Variants in CEACAM5 observed in about 807,000 individuals in gnomAD.
CEACAM5 encodes the protein cell adhesion molecule CEACAM5.
In CEACAM5, 52 loss-of-function variants were observed where a neutral mutation model predicts 63.0. The observed-to-expected ratio is 0.83, with a 90% CI of 0.66 to 1.04. The LOEUF (loss-of-function observed/expected upper bound fraction) is 1.04. Among genes scored for constraint, CEACAM5 ranks in the 50% least tolerant of loss-of-function variants. CEACAM5 has a pLI of 0.00. For missense variants in CEACAM5, 790 were observed against 864.8 expected, an observed-to-expected ratio of 0.91 and a Z score of 1.08; for synonymous variants, 357 against 351.3, an observed-to-expected ratio of 1.02 and a Z score of -0.18.
chr19:41,721,023 T>G lies in CEACAM5; in HGVS notation c.1873T>G (p.Tyr625Asp). The G allele has an allele frequency of 6.2e-7, 1 of 1,614,210 alleles. No homozygotes were observed. The highest frequency in any genetic ancestry group is 8.5e-7 in the Non-Finnish European group (1 of 1,180,044). ...CTCGGCCTCTAACCCATCCCCGCAG[T>G]ATTCTTGGCGTATCAATGGGATACC... ...CHSASNPSPQ[Y>D]SWRINGIPQQ... Residue 625 changes from tyrosine (Y) to aspartate (D), a missense_variant, in exon 8 of 10, where the codon TAT becomes GAT. Transcript: ENST00000221992.
intron 2 of CEACAM5, among the ~76,000 whole-genome samples, chr19:41,712,380 C>T (rs2072450184): frequency 6.6e-6 from 1 of 152,214 alleles, no homozygotes; most frequent in African/African-American, 2.4e-5. Flanking sequence ...TAGACTCTAC[C>T]CAGTTACAAA....
At chr19:41,713,103 A>G (rs1417749708) in intron 2 of CEACAM5, among the ~76,000 whole-genome samples, 2 of 152,134 alleles carry the variant, frequency 1.3e-5, no homozygotes, top group Admixed American at 6.6e-5. Flanking sequence ...TCAAGAGATC[A>G]AGACCATCCT....
intron 9 of CEACAM5, among the ~76,000 whole-genome samples, chr19:41,728,238 A>C (rs781841093): frequency 2.6e-5 from 4 of 152,258 alleles, no homozygotes; most frequent in African/African-American, 7.2e-5. Flanking sequence ...AATAGAAAGG[A>C]GTGAACATCA....
intron 8 of CEACAM5, among the ~76,000 whole-genome samples, chr19:41,724,404 A>G (rs1303452468): frequency 2.0e-5 from 3 of 152,214 alleles, no homozygotes; most frequent in Non-Finnish European, 4.4e-5. Flanking sequence ...AGGAAGTGTG[A>G]GTCCTCCAGC....
chr19:41,725,766 C>A (rs782260955), intron 8 of CEACAM5, among the ~76,000 whole-genome samples: 9 of 152,170 alleles, frequency 5.9e-5, no homozygotes, highest in African/African-American at 1.7e-4. Flanking sequence ...TTTTGAAGAA[C>A]CAACTTTTGG....
Position 41,717,688 on chromosome 19 carries a change from G to A in CEACAM5, c.1192G>A (p.Glu398Lys), listed in dbSNP as rs7249230. 0.17 allele frequency: 276,154 copies of A among 1,614,032 alleles called. 25,301 individuals are homozygous for A. Among genetic ancestry groups the A allele is most frequent in the Non-Finnish European group, 0.19 (222,262 of 1,179,980 alleles). Residue 398 changes from glutamate to lysine, a missense_variant, in exon 5 of 10, where the codon GAA (glutamate) becomes AAA (lysine). Coordinates refer to ENST00000221992, the MANE Select transcript of CEACAM5 (RefSeq NM_004363.6). Reference protein sequence around the residue: ...VGPYECGIQNELSVDHSDPVI... With the variant: ...VGPYECGIQNKLSVDHSDPVI... ...ACCCTATGAGTGTGGAATCCAGAAC[G>A]AATTAAGTGTTGACCACAGCGACCC... is the stretch of plus-strand genomic sequence containing the variant.
At chr19:41,719,695 G>A (rs555125555) in intron 6 of CEACAM5, among the ~76,000 whole-genome samples, 18 of 152,300 alleles carry the variant, frequency 1.2e-4, no homozygotes, top group South Asian at 2.1e-4. Context: ...ACAACCCAAC[G>A]CTGCTGCCCA....
chr19:41,709,553 C>A, intron 1 of CEACAM5, 127 bp from the exon 2 acceptor site: 1 of 1,436,460 alleles, frequency 7.0e-7, no homozygotes, highest in Non-Finnish European at 9.4e-7. Flanking sequence ...CACACACACA[C>A]ACACACACAC....
chr19:41,709,441 G>A (rs544559768), intron 1 of CEACAM5, among the ~76,000 whole-genome samples: 24 of 152,162 alleles, frequency 1.6e-4, no homozygotes, highest in African/African-American at 4.6e-4. Flanking sequence ...GGAGGGAGCC[G>A]TGAAGACCCC....
chr19:41,729,477 C>T lies in CEACAM5; in HGVS notation c.*330C>T, dbSNP rs1202428425. On this transcript the variant is annotated 3_prime_UTR_variant, in exon 10 of 10. Coordinates refer to ENST00000221992, the MANE Select transcript of CEACAM5 (RefSeq NM_004363.6). ...TCCAGTCTGGCAACAGAGCAAGACTCCATCTCAAAAAGAAAAGAAAAGAAG... is the reference window on the plus strand; with the variant it reads ...TCCAGTCTGGCAACAGAGCAAGACTTCATCTCAAAAAGAAAAGAAAAGAAG... 6.6e-6 allele frequency: 1 copy of T among 150,764 alleles called. No homozygotes were observed. Among genetic ancestry groups the T allele is most frequent in the African/African-American group, 2.5e-5 (1 of 40,110 alleles). The allele number at this position is 150,764 out of a possible 1,614,324, so 9.3% of individuals were successfully genotyped here. A position where few individuals can be genotyped will look rare whatever the true frequency, so the allele number is the denominator to read the frequency against.
rs782651082 is a variant in CEACAM5 at position 41,715,873 on chromosome 19, T to C, written c.927T>C (p.Asn309=). The C allele has an allele frequency of 6.8e-6, 11 of 1,614,026 alleles. No individual in the cohort carries two copies. Among genetic ancestry groups the C allele is most frequent in the East Asian group, 6.7e-5 (3 of 44,900 alleles). The change falls in exon 4 of 10, where the codon AAT becomes AAC. Residue 309 remains asparagine, a synonymous_variant. Transcript: ENST00000221992. The part of the protein sequence containing the change: ...CQAHNSDTGL[N]RTTVTTITVY... ...CCCATAACTCAGACACTGGCCTCAA[T>C]AGGACCACAGTCACGACGATCACAG...
intron 4 of CEACAM5, 48 bp from the exon 5 acceptor site, chr19:41,717,407 G>A (rs375710509): frequency 6.3e-7 from 1 of 1,576,610 alleles, no homozygotes; most frequent in African/African-American, 1.4e-5. Flanking sequence ...GCCCGTGGAG[G>A]AATCACAGGT....
Position 41,709,930 on chromosome 19 carries a change from A to C in CEACAM5, c.315A>C (p.Ala105=), listed in dbSNP as rs1555813743. 6.8e-6 allele frequency: 11 copies of C among 1,613,908 alleles called. No homozygotes were observed. The highest frequency in any genetic ancestry group is 1.7e-5 in the Admixed American group (1 of 59,994). Residue 105 remains alanine (A), a synonymous_variant, in exon 2 of 10, where the codon GCA becomes GCC. Transcript: ENST00000221992. ...GTCGAGAGATAATATACCCCAATGC[A>C]TCCCTGCTGATCCAGAACATCATCC... ...YSGREIIYPN[A]SLLIQNIIQN...
At chr19:41,715,385 GC>G in intron 3 of CEACAM5, 136 bp downstream of exon 3, 1 of 1,402,624 alleles carries the variant, frequency 7.1e-7, no homozygotes, top group Non-Finnish European at 1.0e-6. Context: ...GTGACTTTCT[GC>G]CCCAGAAAAA....
intron 2 of CEACAM5, among the ~76,000 whole-genome samples, chr19:41,710,916 C>T (rs1436183850): frequency 6.6e-5 from 10 of 152,188 alleles, no homozygotes; most frequent in African/African-American, 2.4e-4. Flanking sequence ...CCAAATAGCA[C>T]TTATCCTACT....
chr19:41,709,357 G>A (rs4802127), intron 1 of CEACAM5, among the ~76,000 whole-genome samples: 37,360 of 152,080 alleles, frequency 0.25, 5,132 homozygotes, highest in South Asian at 0.37. Flanking sequence ...GGAAGACCCA[G>A]GGTCTCTAGA....
intron 2 of CEACAM5, among the ~76,000 whole-genome samples, chr19:41,711,672 G>A (rs185630930): frequency 2.6e-4 from 40 of 152,240 alleles, no homozygotes; most frequent in Middle Eastern, 6.8e-3. Flanking sequence ...TGGGGTCTCC[G>A]AGGTCACTAT....
intron 2 of CEACAM5, among the ~76,000 whole-genome samples, chr19:41,712,291 C>T (rs1018705322): frequency 6.6e-6 from 1 of 152,364 alleles, no homozygotes; most frequent in Middle Eastern, 3.4e-3. Context: ...CCACATACAC[C>T]TGTGTCCTCA....
chr19:41,715,480 G>T, intron 3 of CEACAM5, 170 bp from the exon 4 acceptor site: 1 of 1,116,366 alleles, frequency 9.0e-7, no homozygotes, highest in East Asian at 2.5e-5. Context: ...ACCCTATGAT[G>T]GGAGAAACAG....
Sources: allele counts gnomAD v4.1 joint callset (sites outside exome capture counted in the v4.1 genomes callset), GRCh38; gene constraint gnomAD v4.1.1; transcripts MANE v1.5; gene names NCBI Gene and HGNC (gene_info 2026-07-23, HGNC 2026-07-21).